The following CD99 variants were observed in gnomAD, a reference collection of about 807,000 sequenced individuals.
CD99 encodes CD99 antigen.
A neutral mutation model predicts 28.4 loss-of-function variants in CD99; 19 were observed. That is an observed-to-expected ratio of 0.67 (90% CI 0.47 to 0.98). The LOEUF (loss-of-function observed/expected upper bound fraction) is 0.98. CD99 is among the 50% of genes least tolerant of loss of function. The probability of loss-of-function intolerance (pLI) is 0.00; values close to 1 mark genes in which losing one functional copy is unlikely to be tolerated. For missense variants in CD99, 283 were observed against 248.8 expected (o/e 1.14, Z -0.92); for synonymous variants, 103 against 92.1 (o/e 1.12, Z -0.67).
rs190630889 is a variant in CD99 at position 2,735,173 on chromosome X, C to T, written c.476-3027C>T. On this transcript the variant is annotated intron_variant, in intron 8 of 9. Coordinates refer to ENST00000381192, the MANE Select transcript of CD99 (RefSeq NM_002414.5). ...AGATTAGCCACTGCTAGACAGTGAT[C>T]CTCAGGTATATGGTCTCAGGATTGG... 3.2e-3 allele frequency among the ~76,000 whole-genome samples: 480 copies of T among 152,282 alleles called. 1 individual carries two copies. Among genetic ancestry groups the T allele is most frequent in the African/African-American group, 0.011 (454 of 41,550 alleles).
chrX:2,731,465 A>C (rs2049602538), intron 8 of CD99, among the ~76,000 whole-genome samples: 1 of 152,050 alleles, frequency 6.6e-6, no homozygotes, highest in East Asian at 1.9e-4. Context: ...TGGTGCACAC[A>C]TGTATTTCCA....
intron 1 of CD99, among the ~76,000 whole-genome samples, chrX:2,695,350 C>CA (rs1367114769): frequency 6.6e-6 from 1 of 152,014 alleles, no homozygotes; most frequent in Non-Finnish European, 1.5e-5. Context: ...GGACTACAGG[C>CA]ATGCACTGCA....
At position 2,720,339 on chromosome X, in the gene CD99, T is replaced by C. The variant is rs1435573164; in HGVS notation, c.194-17T>C. The C allele has an allele frequency of 6.2e-7, 1 of 1,613,544 alleles. No individual in the cohort carries two copies. The highest frequency in any genetic ancestry group is 1.7e-5 in the Admixed American group (1 of 59,990). The stretch of plus-strand genomic sequence containing the variant: ...TGCAAGGCACTTAAAATTGCAACTC[T>C]CATCTTTCACAAACAGACGACCCAC... On this transcript the variant is annotated splice_polypyrimidine_tract_variant and intron_variant, in intron 4 of 9. Transcript: ENST00000381192.
chrX:2,693,176 C>G (rs772083642), intron 1 of CD99, among the ~76,000 whole-genome samples: 1 of 151,070 alleles, frequency 6.6e-6, no homozygotes, highest in Non-Finnish European at 1.5e-5. Context: ...CGGAGTTTCA[C>G]TCTGTCACCA....
chrX:2,700,514 A>G (rs1018367625), intron 1 of CD99, among the ~76,000 whole-genome samples: 2 of 151,350 alleles, frequency 1.3e-5, no homozygotes, highest in Admixed American at 1.3e-4. Context: ...CCATCCATCC[A>G]TTCATCCATG....
intron 1 of CD99, among the ~76,000 whole-genome samples, chrX:2,709,236 A>G (rs1330676728): frequency 6.6e-6 from 1 of 152,200 alleles, no homozygotes; most frequent in African/African-American, 2.4e-5. Flanking sequence ...GCATATATGC[A>G]TGCATGCACA....
chrX:2,717,429 T>G, intron 2 of CD99, 176 bp from the exon 3 acceptor site: 2 of 612,592 alleles, frequency 3.3e-6, no homozygotes, highest in Non-Finnish European at 5.9e-6. Context: ...GTGTCTGTCT[T>G]CTGGGCTCAA....
intron 8 of CD99, among the ~76,000 whole-genome samples, chrX:2,737,715 C>T (rs1231217324): frequency 1.3e-5 from 2 of 151,944 alleles, no homozygotes; most frequent in South Asian, 2.1e-4. Flanking sequence ...AGGCTGGTCT[C>T]GAACTCCTGA....
chrX:2,732,660 C>A (rs905638567), intron 8 of CD99, among the ~76,000 whole-genome samples: 2 of 144,688 alleles, frequency 1.4e-5, no homozygotes, highest in Non-Finnish European at 1.5e-5. Context: ...TCTTCCTTTT[C>A]TCTATCTCTT....
intron 9 of CD99, among the ~76,000 whole-genome samples, chrX:2,738,536 G>T (rs2018789106): frequency 6.6e-6 from 1 of 151,944 alleles, no homozygotes; most frequent in Non-Finnish European, 1.5e-5. Flanking sequence ...GACCAGCCTG[G>T]CCAACATGGT....
chrX:2,717,531 C>G (rs1441277224), intron 2 of CD99, 74 bp from the exon 3 acceptor site: 45 of 1,189,622 alleles, frequency 3.8e-5, no homozygotes, highest in Non-Finnish European at 5.0e-5. Flanking sequence ...AATGAAACAT[C>G]CTTAACCACA....
intron 7 of CD99, among the ~76,000 whole-genome samples, chrX:2,725,506 C>T (rs1051910622): frequency 6.6e-6 from 1 of 152,210 alleles, no homozygotes; most frequent in African/African-American, 2.4e-5. Context: ...TCTAACGATA[C>T]AAAACGCATT....
chrX:2,723,473 A>G, intron 7 of CD99, 109 bp downstream of exon 7: 1 of 1,286,752 alleles, frequency 7.8e-7, no homozygotes, highest in Non-Finnish European at 1.1e-6. Flanking sequence ...TCCTAAAGCT[A>G]CTGGCAGGAG....
At chrX:2,733,480 C>T in intron 8 of CD99, 1 of 1,221,444 alleles carries the variant, frequency 8.2e-7, no homozygotes, top group South Asian at 1.3e-5. Flanking sequence ...GCTCCCCTCG[C>T]CCTGCTGGCA....
intron 3 of CD99, 143 bp downstream of exon 3, chrX:2,717,795 T>C (rs1230715283): frequency 5.7e-6 from 4 of 707,174 alleles, no homozygotes; most frequent in African/African-American, 1.8e-5. Context: ...AATACTGGAA[T>C]TGTGTTATGA....
At chrX:2,730,694 G>A (rs1414780132) in intron 8 of CD99, among the ~76,000 whole-genome samples, 2 of 151,902 alleles carry the variant, frequency 1.3e-5, no homozygotes, top group Non-Finnish European at 2.9e-5. Context: ...AATGCACAAA[G>A]CAAAGGGCCA....
chrX:2,727,317 C>A, intron 8 of CD99: 1 of 779,310 alleles, frequency 1.3e-6, no homozygotes, highest in Non-Finnish European at 2.4e-6. Context: ...TCTTTGGGAC[C>A]TTGTATTGGG....
intron 1 of CD99, among the ~76,000 whole-genome samples, chrX:2,709,711 CAT>C: frequency 6.6e-6 from 1 of 152,350 alleles, no homozygotes; most frequent in Middle Eastern, 3.4e-3. Context: ...TAGACACACA[CAT>C]GCATGTACAT....
intron 2 of CD99, 73 bp from the exon 3 acceptor site, chrX:2,717,532 C>T (rs2048787743): frequency 1.7e-6 from 2 of 1,205,474 alleles, no homozygotes; most frequent in Non-Finnish European, 1.2e-6. Context: ...ATGAAACATC[C>T]TTAACCACAA....
Sources: gnomAD v4.1 joint callset for allele counts (sites outside exome capture counted in the v4.1 genomes callset) on GRCh38, gnomAD v4.1.1 for gene constraint, MANE v1.5 for transcripts, NCBI Gene and HGNC (gene_info 2026-07-23, HGNC 2026-07-21) for gene names.